SLC1A2: variants seen among roughly 807,000 people sequenced by gnomAD.
The protein encoded by SLC1A2 is solute carrier family 1 member 2.
Under a neutral mutation model 48.8 loss-of-function variants are expected in SLC1A2, and 15 were observed. The observed-to-expected ratio is 0.31, with a 90% CI of 0.21 to 0.47. SLC1A2 has a LOEUF of 0.47. Among genes scored for constraint, SLC1A2 ranks in the 20% least tolerant of loss-of-function variants. SLC1A2 has a pLI of 0.99. For missense variants in SLC1A2, 502 were observed against 730.5 expected (o/e 0.69, Z 3.61); for synonymous variants, 279 against 272.6 (o/e 1.02, Z -0.23).
intron 9 of SLC1A2, among the ~76,000 whole-genome samples, chr11:35,279,655 T>C (rs1234412637): frequency 6.6e-6 from 1 of 152,210 alleles, no homozygotes; most frequent in Non-Finnish European, 1.5e-5. Context: ...AATGTGACCA[T>C]AAACAAGAAT....
intron 6 of SLC1A2, among the ~76,000 whole-genome samples, chr11:35,295,356 AAAAC>A (rs1251895847): frequency 6.6e-6 from 1 of 152,176 alleles, no homozygotes; most frequent in African/African-American, 2.4e-5. Context: ...ACCCATTTTT[AAAAC>A]AAACAACTTA....
chr11:35,339,919 T>A (rs192146792), intron 1 of SLC1A2, among the ~76,000 whole-genome samples: 1 of 152,348 alleles, frequency 6.6e-6, no homozygotes. Context: ...CATTTATTGC[T>A]TTTTCAATGT....
rs771016554 is a variant in SLC1A2 at position 35,286,744 on chromosome 11, C to T, written c.1286+13G>A. ...GGTAGAGGTTGTTTTGTGTTTTACC[C>T]CACCCTTCTCACCTTACAGTCACAA... On this transcript the variant is annotated intron_variant, in intron 8 of 10. Coordinates refer to ENST00000278379, the MANE Select transcript of SLC1A2 (RefSeq NM_004171.4). 3 of 1,601,434 alleles carry T rather than the reference C, an allele frequency of 1.9e-6. No individual in the cohort carries two copies. Among genetic ancestry groups the T allele is most frequent in the Middle Eastern group, 1.9e-4 (1 of 5,360 alleles).
At chr11:35,336,735 A>T (rs1251513939) in intron 1 of SLC1A2, among the ~76,000 whole-genome samples, 4 of 152,244 alleles carry the variant, frequency 2.6e-5, no homozygotes, top group African/African-American at 9.6e-5. Flanking sequence ...GTAACTAGGC[A>T]GCCAATTCAA....
intron 1 of SLC1A2, among the ~76,000 whole-genome samples, chr11:35,409,369 C>T (rs930220457): frequency 4.6e-5 from 7 of 152,158 alleles, no homozygotes; most frequent in African/African-American, 1.7e-4. Flanking sequence ...TGGCTGCTGT[C>T]AACACTGAAA....
At chr11:35,262,955 G>A (rs1950416447) in intron 10 of SLC1A2, among the ~76,000 whole-genome samples, 1 of 152,106 alleles carries the variant, frequency 6.6e-6, no homozygotes, top group South Asian at 2.1e-4. Flanking sequence ...GAACTGTCCA[G>A]CAAAAAGGTT....
intron 1 of SLC1A2, among the ~76,000 whole-genome samples, chr11:35,345,667 A>G (rs760665605): frequency 5.9e-5 from 9 of 152,336 alleles, no homozygotes; most frequent in South Asian, 2.1e-4. Context: ...TACCAGAGTT[A>G]ACTATAACCC....
At chr11:35,418,143 A>G (rs2135313311) in intron 1 of SLC1A2, among the ~76,000 whole-genome samples, 1 of 152,316 alleles carries the variant, frequency 6.6e-6, no homozygotes, top group Admixed American at 6.5e-5. Flanking sequence ...ATGTGTGAGT[A>G]TTCAAAGAAT....
rs1950353974 is a variant in SLC1A2, at chr11:35,259,002, ACCACCCTGAC to A, written c.*1882_*1891del. Reference sequence around the variant, plus strand: ...CTACTACACTTAATCATATCCCTTGACCACCCTGACCCTGTTTACTGCCCATCTACTGGAA... The same window carrying A: ...CTACTACACTTAATCATATCCCTTGACCTGTTTACTGCCCATCTACTGGAA... On this transcript the variant is annotated 3_prime_UTR_variant, in exon 11 of 11. Coordinates refer to ENST00000278379, the MANE Select transcript of SLC1A2 (RefSeq NM_004171.4). 6.6e-6 allele frequency: 1 copy of A among 151,850 alleles called. No individual in the cohort carries two copies. The highest frequency in any genetic ancestry group is 6.6e-5 in the Admixed American group (1 of 15,204). 9.4% of individuals were successfully genotyped at this position (151,850 alleles called of 1,614,324 possible).
At chr11:35,356,242 C>T (rs1853457269) in intron 1 of SLC1A2, among the ~76,000 whole-genome samples, 1 of 152,178 alleles carries the variant, frequency 6.6e-6, no homozygotes, top group African/African-American at 2.4e-5. Flanking sequence ...CAAATTCATC[C>T]TCACAAACTT....
intron 9 of SLC1A2, among the ~76,000 whole-genome samples, chr11:35,277,256 C>G (rs1014118773): frequency 7.9e-5 from 12 of 152,234 alleles, no homozygotes; most frequent in Non-Finnish European, 1.8e-4. Context: ...CTGGGCCTCT[C>G]TGCTCCTCCT....
In SLC1A2 at chr11:35,419,099, G is replaced by T. The variant is rs1457201118; in HGVS notation, c.-133C>A. On this transcript the variant is annotated 5_prime_UTR_variant, in exon 1 of 11. Coordinates refer to ENST00000278379, the MANE Select transcript of SLC1A2 (RefSeq NM_004171.4). The surrounding 1 kb of genome is among the most constrained non-coding windows in gnomAD (Gnocchi z 5.4). ...GGAGCCTCTGCCCGCCCTTCCACCC[G>T]CCTCCGGGGTAAGCCCTTTAGCGCC... The T allele has an allele frequency of 2.8e-6, 2 of 710,710 alleles. No homozygotes were observed. Among genetic ancestry groups the T allele is most frequent in the East Asian group, 6.5e-5 (2 of 30,942 alleles). 44.0% of individuals were successfully genotyped at this position (710,710 alleles called of 1,614,324 possible). A position where few individuals can be genotyped will look rare whatever the true frequency, so the allele number is the denominator to read the frequency against.
intron 1 of SLC1A2, among the ~76,000 whole-genome samples, chr11:35,367,382 C>T (rs543318193): frequency 6.6e-6 from 1 of 152,294 alleles, no homozygotes; most frequent in Middle Eastern, 3.4e-3. Flanking sequence ...GGGGGAAATG[C>T]CTTCTGCATC....
At chr11:35,334,751 G>C (rs750534524) in intron 1 of SLC1A2, among the ~76,000 whole-genome samples, 9 of 152,194 alleles carry the variant, frequency 5.9e-5, no homozygotes, top group Non-Finnish European at 1.0e-4. Flanking sequence ...GTCTACTTTG[G>C]GGGGCAGGAT....
chr11:35,326,639 A>G (rs1460752526), intron 1 of SLC1A2, among the ~76,000 whole-genome samples: 1 of 152,220 alleles, frequency 6.6e-6, no homozygotes, highest in Non-Finnish European at 1.5e-5. Context: ...TGTAGCATCA[A>G]TCCCAAGCAA....
intron 1 of SLC1A2, among the ~76,000 whole-genome samples, chr11:35,411,447 T>C (rs1163680483): frequency 2.0e-5 from 3 of 152,340 alleles, no homozygotes; most frequent in African/African-American, 4.8e-5. Flanking sequence ...TCTTTCTTAA[T>C]TAATTTTTTT....
At chr11:35,398,551 G>T (rs548666991) in intron 1 of SLC1A2, among the ~76,000 whole-genome samples, 2 of 152,124 alleles carry the variant, frequency 1.3e-5, no homozygotes, top group Non-Finnish European at 2.9e-5. Context: ...ACAAAACTAC[G>T]TATCAGGTAC....
chr11:35,259,176 T>G lies in SLC1A2; in HGVS notation c.*1718A>C, dbSNP rs1591395386. ...ATGTCTCTTGTATGTTTCAAAGGTA[T>G]CTGATTTAAAAGAGAGAAGTCACAA... On this transcript the variant is annotated 3_prime_UTR_variant, in exon 11 of 11. Transcript: ENST00000278379. 6.6e-6 allele frequency: 1 copy of G among 152,594 alleles called. No homozygotes were observed. The highest frequency in any genetic ancestry group is 2.4e-5 in the African/African-American group (1 of 41,420). 9.5% of individuals were successfully genotyped at this position (152,594 alleles called of 1,614,324 possible).
At chr11:35,319,260 G>A (rs958212963) in intron 1 of SLC1A2, among the ~76,000 whole-genome samples, 1 of 152,136 alleles carries the variant, frequency 6.6e-6, no homozygotes, top group Non-Finnish European at 1.5e-5. Flanking sequence ...CACAGCAGGG[G>A]GAAATGATCA....
Sources: allele counts gnomAD v4.1 joint callset (sites outside exome capture counted in the v4.1 genomes callset), GRCh38; gene constraint gnomAD v4.1.1; non-coding constraint Gnocchi (gnomAD v3.1); transcripts MANE v1.5; gene names NCBI Gene and HGNC (gene_info 2026-07-23, HGNC 2026-07-21).